Variants in SLC14A2 observed in about 807,000 individuals in gnomAD.
SLC14A2 encodes the protein urea transporter 2.
Under a neutral mutation model 104.6 loss-of-function variants are expected in SLC14A2, and 91 were observed. The observed-to-expected ratio is 0.87, with a 90% CI of 0.73 to 1.04. The LOEUF (loss-of-function observed/expected upper bound fraction) is 1.04. Ranked by LOEUF, SLC14A2 falls within the 50% of genes least tolerant of loss-of-function variation. SLC14A2 has a pLI of 0.00. For missense variants in SLC14A2, 1,189 were observed against 1,156.0 expected, an observed-to-expected ratio of 1.03 and a Z score of -0.41; for synonymous variants, 476 against 466.4, an observed-to-expected ratio of 1.02 and a Z score of -0.27.
intron 1 of SLC14A2, among the ~76,000 whole-genome samples, chr18:45,267,480 A>G (rs1444531697): frequency 6.6e-6 from 1 of 152,170 alleles, no homozygotes; most frequent in African/African-American, 2.4e-5. Flanking sequence ...GGGAAACTGG[A>G]TATTTTTAGG....
chr18:45,647,024 A>T (rs2045637506), intron 10 of SLC14A2: 1 of 151,898 alleles, frequency 6.6e-6, no homozygotes, highest in African/African-American at 2.4e-5. Flanking sequence ...TGTGTCTCAA[A>T]CTCTTTTCCT....
intron 1 of SLC14A2, among the ~76,000 whole-genome samples, chr18:45,295,253 C>T (rs1300232316): frequency 2.0e-5 from 3 of 152,076 alleles, no homozygotes; most frequent in African/African-American, 4.8e-5. Flanking sequence ...CCCCATTGTC[C>T]GTTCACACAG....
At chr18:45,660,027 G>A (rs916451940) in intron 10 of SLC14A2, among the ~76,000 whole-genome samples, 56 of 151,662 alleles carry the variant, frequency 3.7e-4, no homozygotes, top group Non-Finnish European at 4.4e-4. Context: ...CAACAATTCC[G>A]AATGCTAAGG....
chr18:45,483,100 T>A (rs948348702), intron 1 of SLC14A2: 3 of 152,214 alleles, frequency 2.0e-5, no homozygotes, highest in Non-Finnish European at 4.4e-5. Flanking sequence ...CCTGTTTCCT[T>A]ATTTTTTTCT....
At chr18:45,335,587 C>CG (rs1038837864) in intron 1 of SLC14A2, among the ~76,000 whole-genome samples, 1 of 152,186 alleles carries the variant, frequency 6.6e-6, no homozygotes, top group Non-Finnish European at 1.5e-5. Flanking sequence ...GCAATAAAGA[C>CG]AAGAACAACT....
intron 3 of SLC14A2, 106 bp downstream of exon 3, chr18:45,625,969 C>A (rs2144506981): frequency 1.2e-6 from 1 of 839,876 alleles, no homozygotes; most frequent in Non-Finnish European, 1.7e-6. Context: ...CACCCTCACC[C>A]TGGGTGGATC....
At position 45,434,538 on chromosome 18, in the gene SLC14A2, G is replaced by A. The variant is rs531390737; in HGVS notation, c.-124-48695G>A. On this transcript the variant is annotated intron_variant, in intron 1 of 20. Transcript: ENST00000586448. Reference sequence around the variant, plus strand: ...TCCATTAAACTGTTATGCACATGTGGATAGCACCAGTGGATTTCCTGCACA... The same window carrying A: ...TCCATTAAACTGTTATGCACATGTGAATAGCACCAGTGGATTTCCTGCACA... Among the ~76,000 whole-genome samples, 6 of 152,282 alleles carry A rather than the reference G, an allele frequency of 3.9e-5. No individual in the cohort carries two copies. In the South Asian group the frequency reaches 1.2e-3, roughly 32 times the overall value.
intron 1 of SLC14A2, among the ~76,000 whole-genome samples, chr18:45,396,572 G>A (rs2086033326): frequency 6.7e-6 from 1 of 149,620 alleles, no homozygotes; most frequent in African/African-American, 2.5e-5. Context: ...ATTTGTAGAG[G>A]TATTCGAGTG....
At chr18:45,304,855 C>T (rs2085002439) in intron 1 of SLC14A2, among the ~76,000 whole-genome samples, 1 of 152,216 alleles carries the variant, frequency 6.6e-6, no homozygotes, top group African/African-American at 2.4e-5. Context: ...CGAGTGAAAG[C>T]CTGGCTCCCT....
At chr18:45,386,469 C>T (rs1408058987) in intron 1 of SLC14A2, among the ~76,000 whole-genome samples, 1 of 152,186 alleles carries the variant, frequency 6.6e-6, no homozygotes, top group Non-Finnish European at 1.5e-5. Flanking sequence ...ACGGCGCCCC[C>T]TAATGGACCC....
At chr18:45,169,560 T>A in the SLC14A2 span, among the ~76,000 whole-genome samples, 31 of 152,334 alleles carry the variant, frequency 2.0e-4, no homozygotes, top group African/African-American at 7.5e-4. Context: ...GGTTTTTGCA[T>A]TTTGTGTATC....
At chr18:45,428,252 C>A (rs922239909) in intron 1 of SLC14A2, among the ~76,000 whole-genome samples, 5 of 152,148 alleles carry the variant, frequency 3.3e-5, no homozygotes, top group African/African-American at 4.8e-5. Flanking sequence ...CACAATATAG[C>A]CAGTCTCTAG....
intron 2 of SLC14A2, among the ~76,000 whole-genome samples, chr18:45,509,813 C>T (rs146001383): frequency 1.6e-4 from 24 of 152,354 alleles, no homozygotes; most frequent in Non-Finnish European, 2.5e-4. Context: ...CAGGGCCCCA[C>T]ACTGTGACTT....
At chr18:45,221,400 A>G (rs1461039387) in intron 1 of SLC14A2, among the ~76,000 whole-genome samples, 3 of 152,182 alleles carry the variant, frequency 2.0e-5, no homozygotes, top group East Asian at 1.9e-4. Context: ...TAATTGGCCT[A>G]TCTTGCATCC....
intron 1 of SLC14A2, among the ~76,000 whole-genome samples, chr18:45,411,511 C>T (rs1293171147): frequency 6.6e-6 from 1 of 152,170 alleles, no homozygotes; most frequent in Non-Finnish European, 1.5e-5. Context: ...CCCCATATCA[C>T]ACAGATTCAG....
Position 45,277,854 on chromosome 18 carries a change from C to A in SLC14A2, c.-125+64663C>A, listed in dbSNP as rs1210022574. Among the ~76,000 whole-genome samples, 3 of 152,332 alleles carry A rather than the reference C, an allele frequency of 2.0e-5. No homozygotes were observed. In the East Asian group the frequency reaches 5.8e-4, roughly 29 times the overall value. ...AAGTTTCTGTACTTTATTTTCTGTT[C>A]TAAAGGGGTTTCCTTTTTCCTACCT... On this transcript the variant is annotated intron_variant, in intron 1 of 20. Coordinates refer to the SLC14A2 transcript ENST00000586448.
chr18:45,281,876 G>C (rs1362513612), intron 1 of SLC14A2, among the ~76,000 whole-genome samples: 1 of 152,166 alleles, frequency 6.6e-6, no homozygotes, highest in Non-Finnish European at 1.5e-5. Flanking sequence ...GGTCAGCCTT[G>C]TTCACCAGAG....
At chr18:45,340,361 C>T (rs929285472) in intron 1 of SLC14A2, among the ~76,000 whole-genome samples, 5 of 152,298 alleles carry the variant, frequency 3.3e-5, no homozygotes, top group Non-Finnish European at 7.3e-5. Flanking sequence ...TCCTCCTGAT[C>T]GCCCTGAGAA....
At chr18:45,455,479 C>T (rs1444529824) in intron 1 of SLC14A2, among the ~76,000 whole-genome samples, 1 of 151,914 alleles carries the variant, frequency 6.6e-6, no homozygotes, top group African/African-American at 2.4e-5. Flanking sequence ...GAACATCACA[C>T]ACCAGGACCT....
Sources: allele counts gnomAD v4.1 joint callset (sites outside exome capture counted in the v4.1 genomes callset), GRCh38; gene constraint gnomAD v4.1.1; transcripts MANE v1.5; gene names NCBI Gene and HGNC (gene_info 2026-07-23, HGNC 2026-07-21).